RIN2: variants seen among roughly 807,000 people sequenced by gnomAD.
The protein encoded by RIN2 is RAB5 interacting protein 2.
A neutral mutation model predicts 78.0 loss-of-function variants in RIN2; 36 were observed. That is an observed-to-expected ratio of 0.46 (90% CI 0.35 to 0.61). The LOEUF (loss-of-function observed/expected upper bound fraction) is 0.61. RIN2 is among the 20% of genes least tolerant of loss of function. RIN2 has a pLI of 0.00. For synonymous variants in RIN2, 466 were observed against 466.8 expected, an observed-to-expected ratio of 1.00 and a Z score of 0.02; for missense variants, 1,087 against 1,159.7, an observed-to-expected ratio of 0.94 and a Z score of 0.91.
chr20:19,844,892 C>G (rs7363886), intron 2 of RIN2, among the ~76,000 whole-genome samples: 59,599 of 151,476 alleles, frequency 0.39, 12,098 homozygotes, highest in East Asian at 0.57. Flanking sequence ...CAGTCCCCCA[C>G]CCCCCAACAG....
chr20:19,801,261 AT>A (rs1280809641), intron 2 of RIN2, among the ~76,000 whole-genome samples: 9 of 152,082 alleles, frequency 5.9e-5, no homozygotes, highest in African/African-American at 2.2e-4. Context: ...ATCATGTAAA[AT>A]AATCATCAAG....
chr20:19,778,025 G>A (rs182574285), intron 1 of RIN2, among the ~76,000 whole-genome samples: 167 of 152,318 alleles, frequency 1.1e-3, no homozygotes, highest in African/African-American at 3.8e-3. Flanking sequence ...GAGGAAAAAA[G>A]CATGCCTTTG....
intron 2 of RIN2, among the ~76,000 whole-genome samples, chr20:19,870,869 A>T (rs1395982307): frequency 1.3e-5 from 2 of 152,208 alleles, no homozygotes; most frequent in East Asian, 1.9e-4. Context: ...GGAACACAGC[A>T]TCTGGCTGCC....
At chr20:19,844,648 CTTCTTCTT>C (rs1568807467) in intron 2 of RIN2, among the ~76,000 whole-genome samples, 5 of 106,702 alleles carry the variant, frequency 4.7e-5, no homozygotes, top group African/African-American at 1.6e-4. Flanking sequence ...TCTTCTTCTT[CTTCTTCTT>C]CTTCTTCTTC....
rs1464384286 is a variant in RIN2, at chr20:19,866,146, C to T, written c.-36-23420C>T. Among the ~76,000 whole-genome samples, 6 of 152,028 alleles carry T rather than the reference C, an allele frequency of 3.9e-5. No homozygotes were observed. In the South Asian group the frequency reaches 1.2e-3, roughly 32 times the overall value. On this transcript the variant is annotated intron_variant, in intron 2 of 12. Transcript: ENST00000255006. ...GGGTGATGGGAGACAGATCATCAGG[C>T]ATTAGATTCTCATAAGGAGCACAGA...
rs1600754868 is a variant in RIN2, at chr20:19,906,329, G to C, written c.57+16671G>C. 2.6e-5 allele frequency among the ~76,000 whole-genome samples: 4 copies of C among 152,230 alleles called. No homozygotes were observed. The South Asian group carries it at 8.3e-4, about 32-fold the overall frequency. ...CCAGGCATGGTGGCATGCACCTGTA[G>C]CCCTAGCTACCCCGGAGGCTGAGAT... On this transcript the variant is annotated intron_variant, in intron 3 of 12. Transcript: ENST00000255006.
In RIN2 at chr20:19,970,187, G is replaced by A. The variant is rs531717267; in HGVS notation, c.537-651G>A. 4.9e-4 allele frequency among the ~76,000 whole-genome samples: 75 copies of A among 152,364 alleles called. 3 individuals are homozygous for A. The South Asian group carries it at 0.013, about 26-fold the overall frequency. Reference sequence around the variant, plus strand: ...CCAGCAGCATCAGCATCCTCTAAGAGCTTGGCAGAAATGCCGAATCTCCAG... The same window carrying A: ...CCAGCAGCATCAGCATCCTCTAAGAACTTGGCAGAAATGCCGAATCTCCAG... On this transcript the variant is annotated intron_variant, in intron 7 of 12. Transcript: ENST00000255006.
rs1480957803 is a variant in RIN2 at position 19,903,519 on chromosome 20, C to G, written c.57+13861C>G. Among the ~76,000 whole-genome samples, 4 of 152,308 alleles carry G rather than the reference C, an allele frequency of 2.6e-5. No individual in the cohort carries two copies. In the East Asian group the frequency reaches 7.7e-4, roughly 29 times the overall value. On this transcript the variant is annotated intron_variant, in intron 3 of 12. Transcript: ENST00000255006. Reference sequence around the variant, plus strand: ...TTCAGGGTCTCAAAGACACAGGTCACTTGGGGTTCTGTTCCGGGACAGCTG... The same window carrying G: ...TTCAGGGTCTCAAAGACACAGGTCAGTTGGGGTTCTGTTCCGGGACAGCTG...
chr20:19,814,601 T>G (rs2035708315), intron 2 of RIN2, among the ~76,000 whole-genome samples: 1 of 152,210 alleles, frequency 6.6e-6, no homozygotes, highest in South Asian at 2.1e-4. Flanking sequence ...TATAGTAATT[T>G]TATATTTTAT....
chr20:19,903,035 G>A (rs543634101), intron 3 of RIN2, among the ~76,000 whole-genome samples: 33 of 152,246 alleles, frequency 2.2e-4, no homozygotes, highest in Admixed American at 5.9e-4. Flanking sequence ...GGAGCGTGCC[G>A]TGAGCCGAGA....
chr20:19,906,144 G>C (rs1401697807), intron 3 of RIN2, among the ~76,000 whole-genome samples: 1 of 152,166 alleles, frequency 6.6e-6, no homozygotes, highest in Non-Finnish European at 1.5e-5. Context: ...ATACATACAG[G>C]TTGTCAGAAA....
chr20:19,896,823 A>G (rs552823043), intron 3 of RIN2, among the ~76,000 whole-genome samples: 10 of 152,354 alleles, frequency 6.6e-5, no homozygotes, highest in East Asian at 5.8e-4. Context: ...TAAGCATTCT[A>G]GTAGCCACAT....
intron 1 of RIN2, among the ~76,000 whole-genome samples, chr20:19,785,418 C>A (rs2034644824): frequency 1.3e-5 from 2 of 152,012 alleles, no homozygotes; most frequent in Admixed American, 1.3e-4. Flanking sequence ...ATGGGCAAAA[C>A]CCAGGATGAA....
At chr20:19,788,435 A>AAAAAAAAACAAAAACAAAAAC (rs1568752568) in intron 1 of RIN2, among the ~76,000 whole-genome samples, 3 of 137,866 alleles carry the variant, frequency 2.2e-5, no homozygotes, top group East Asian at 2.5e-4. Context: ...TCTCTGCCAA[A>AAAAAAAAACAAAAACAAAAAC]AAAAAAAAAA....
Position 19,822,793 on chromosome 20 carries a change from A to C in RIN2, c.-37+23046A>C, listed in dbSNP as rs140180701. ...GCTAATATATGCATTATTATGGTTAATATTTTTAACAATAATTTAACTTGC... is the reference window on the plus strand; with the variant it reads ...GCTAATATATGCATTATTATGGTTACTATTTTTAACAATAATTTAACTTGC... On this transcript the variant is annotated intron_variant, in intron 2 of 12. Transcript: ENST00000255006. Among the ~76,000 whole-genome samples, 4 of 152,332 alleles carry C rather than the reference A, an allele frequency of 2.6e-5. No individual in the cohort carries two copies. In the Middle Eastern group the frequency reaches 0.01, roughly 389 times the overall value.
At chr20:19,774,584 G>T (rs932687598) in intron 1 of RIN2, among the ~76,000 whole-genome samples, 36 of 152,184 alleles carry the variant, frequency 2.4e-4, no homozygotes, top group African/African-American at 8.4e-4. Flanking sequence ...TCGTATTCTA[G>T]AAAAAGGACA....
chr20:19,946,956 A>T (rs973823594), intron 4 of RIN2, among the ~76,000 whole-genome samples: 2 of 150,664 alleles, frequency 1.3e-5, no homozygotes, highest in African/African-American at 4.9e-5. Context: ...GCTCGAACCC[A>T]GGAGGTGGAG....
chr20:19,814,127 T>C (rs2035687765), intron 2 of RIN2, among the ~76,000 whole-genome samples: 1 of 152,204 alleles, frequency 6.6e-6, no homozygotes, highest in Admixed American at 6.5e-5. Flanking sequence ...TTTGTTATGT[T>C]CTTACTGGCA....
chr20:19,995,199 T>C (rs1223958663), intron 11 of RIN2, among the ~76,000 whole-genome samples: 3 of 146,702 alleles, frequency 2.0e-5, no homozygotes, highest in Non-Finnish European at 3.0e-5. Context: ...TGCACAAAAC[T>C]CATTTCGCCA....
Sources: allele counts gnomAD v4.1 joint callset (sites outside exome capture counted in the v4.1 genomes callset), GRCh38; gene constraint gnomAD v4.1.1; transcripts MANE v1.5; gene names NCBI Gene and HGNC (gene_info 2026-07-23, HGNC 2026-07-21).